Variants in ENO2 observed in about 807,000 individuals in gnomAD.
ENO2 encodes the protein gamma-enolase.
In ENO2, 19 loss-of-function variants were observed where a neutral mutation model predicts 48.7. That is an observed-to-expected ratio of 0.39 (90% CI 0.27 to 0.57). The LOEUF (loss-of-function observed/expected upper bound fraction) is 0.57. Among genes scored for constraint, ENO2 ranks in the 20% least tolerant of loss-of-function variants. The pLI, the probability that ENO2 is intolerant of heterozygous loss-of-function variation, is 0.58. For synonymous variants in ENO2, 198 were observed against 213.4 expected, an observed-to-expected ratio of 0.93 and a Z score of 0.63; for missense variants, 416 against 555.0, an observed-to-expected ratio of 0.75 and a Z score of 2.52.
rs1363388185 is a variant in ENO2, at chr12:6,922,305, G to A, written c.1177-39G>A. On this transcript the variant is annotated intron_variant, in intron 10 of 11. Transcript: ENST00000229277. The surrounding 1 kb of genome is among the most constrained non-coding windows in gnomAD (Gnocchi z 5.3). ...CAGAAGTTTCCTTTCAGGGGTGAGA[G>A]GGCAGTCACTGAGCTGCAAATCCTT... 1 of 1,613,906 alleles carries A rather than the reference G, an allele frequency of 6.2e-7. No individual in the cohort carries two copies. The highest frequency in any genetic ancestry group is 1.7e-5 in the Admixed American group (1 of 60,014).
At chr12:6,917,804 G>A (rs1213994027) in intron 6 of ENO2, 90 bp downstream of exon 6, 1 of 1,593,402 alleles carries the variant, frequency 6.3e-7, no homozygotes, top group Admixed American at 1.7e-5. Context: ...AAAGTGAATT[G>A]AGGGAGGTAA....
At position 6,918,057 on chromosome 12, in the gene ENO2, G is replaced by A; in HGVS notation, c.562G>A (p.Val188Ile). The A allele has an allele frequency of 6.2e-7, 1 of 1,614,166 alleles. No individual in the cohort carries two copies. Among genetic ancestry groups the A allele is most frequent in the Non-Finnish European group, 8.5e-7 (1 of 1,180,042 alleles). ...GGATGCCATGCGACTAGGTGCAGAGGTCTACCATACACTCAAGGGAGTCAT... is the reference window on the plus strand; with the variant it reads ...GGATGCCATGCGACTAGGTGCAGAGATCTACCATACACTCAAGGGAGTCAT... The part of the protein sequence containing the change: ...FRDAMRLGAE[V>I]YHTLKGVIKD... Residue 188 changes from valine to isoleucine, a missense_variant, in exon 7 of 12, where the codon GTC becomes ATC. By Grantham distance (29) the Val-to-Ile change is conservative. Coordinates refer to ENST00000229277, the MANE Select transcript of ENO2 (RefSeq NM_001975.3).
Position 6,918,253 on chromosome 12 carries a change from CG to C in ENO2, c.667+92del, listed in dbSNP as rs1285196037. On this transcript the variant is annotated intron_variant, in intron 7 of 11. Transcript: ENST00000229277. Reference sequence around the variant, plus strand: ...CACAGTTCACCAAGTCCTGAGTAGGCGTGGAGGGTCCTAGGACTCTGCAAAC... The same window carrying C: ...CACAGTTCACCAAGTCCTGAGTAGGCTGGAGGGTCCTAGGACTCTGCAAAC... 1.0e-5 allele frequency: 14 copies of C among 1,350,280 alleles called. No homozygotes were observed. In the African/African-American group the frequency reaches 1.9e-4, roughly 18 times the overall value. The allele number at this position is 1,350,280 out of a possible 1,614,324, so 83.6% of individuals were successfully genotyped here. A position where few individuals can be genotyped will look rare whatever the true frequency, so the allele number is the denominator to read the frequency against.
In ENO2 at chr12:6,917,659, T is replaced by C. The variant is rs1945303701; in HGVS notation, c.389T>C (p.Leu130Pro). Residue 130 changes from leucine to proline, a missense_variant, in exon 6 of 12, where the codon CTG (leucine) becomes CCG (proline). Coordinates refer to ENST00000229277, the MANE Select transcript of ENO2 (RefSeq NM_001975.3). Reference protein sequence around the residue: ...KAGAAERELPLYRHIAQLAGN... With the variant: ...KAGAAERELPPYRHIAQLAGN... Reference sequence around the variant, plus strand: ...GGGGCAGCTGAGCGGGAACTGCCCCTGTATCGCCACATTGCTCAGCTGGCC... The same window carrying C: ...GGGGCAGCTGAGCGGGAACTGCCCCCGTATCGCCACATTGCTCAGCTGGCC... 1.2e-6 allele frequency: 2 copies of C among 1,613,372 alleles called. No homozygotes were observed. Among genetic ancestry groups the C allele is most frequent in the Non-Finnish European group, 1.7e-6 (2 of 1,179,808 alleles).
rs782192812 is a variant in ENO2, at chr12:6,918,096, G to A, written c.601G>A (p.Gly201Ser). 3 of 1,614,026 alleles carry A rather than the reference G, an allele frequency of 1.9e-6. No homozygotes were observed. Among genetic ancestry groups the A allele is most frequent in the Admixed American group, 1.7e-5 (1 of 59,994 alleles). The change falls in exon 7 of 12, where the codon GGC (glycine) becomes AGC (serine). Residue 201 changes from glycine (G) to serine (S), a missense_variant. Transcript: ENST00000229277. The stretch of plus-strand genomic sequence containing the variant: ...CAAGGGAGTCATCAAGGACAAATAC[G>A]GCAAGGATGCCACCAATGTGGGGGA... ...TLKGVIKDKY[G>S]KDATNVGDEG... is the part of the protein sequence containing the mutation.
chr12:6,916,922 T>C lies in ENO2; in HGVS notation c.241-116T>C. The C allele has an allele frequency of 6.7e-7, 1 of 1,486,708 alleles. No individual in the cohort carries two copies. Among genetic ancestry groups the C allele is most frequent in the Non-Finnish European group, 9.3e-7 (1 of 1,077,772 alleles). The allele number at this position is 1,486,708 out of a possible 1,614,324, so 92.1% of individuals were successfully genotyped here. ...GTCCCCTAATCCAGGTAGGCCCCTG[T>C]CACAGGGACCTGGTTGGACCCTGGC... On this transcript the variant is annotated intron_variant, in intron 4 of 11. Transcript: ENST00000229277. This position sits in a 1 kb window ranked among gnomAD's most constrained non-coding sequence, Gnocchi z 4.5.
chr12:6,921,218 A>G (rs782675158), intron 8 of ENO2, among the ~76,000 whole-genome samples: 3 of 152,132 alleles, frequency 2.0e-5, no homozygotes, highest in Non-Finnish European at 2.9e-5. Context: ...ATACAGTGAG[A>G]CCTCATCTCT....
At chr12:6,917,388 C>G (rs1945301432) in intron 5 of ENO2, 193 bp from the exon 6 acceptor site, 1 of 808,302 alleles carries the variant, frequency 1.2e-6, no homozygotes, top group Non-Finnish European at 1.9e-6. Context: ...TCTGCCGTTT[C>G]CAATCTCCTC....
rs781884624 is a variant in ENO2 at position 6,919,617 on chromosome 12, T to C, written c.719T>C (p.Ile240Thr). The C allele has an allele frequency of 1.2e-6, 2 of 1,614,110 alleles. No individual in the cohort carries two copies. Among genetic ancestry groups the C allele is most frequent in the Non-Finnish European group, 1.7e-6 (2 of 1,180,034 alleles). Residue 240 changes from isoleucine to threonine, a missense_variant, in exon 8 of 12, where the codon ATC becomes ACC. Ile to Thr is a moderately conservative substitution (Grantham distance 89). Coordinates refer to ENST00000229277, the MANE Select transcript of ENO2 (RefSeq NM_001975.3). ...GACAAGGCTGGCTACACGGAAAAGA[T>C]CGTTATTGGCATGGATGTTGCTGCC... Reference protein sequence around the residue: ...AIDKAGYTEKIVIGMDVAASE... With the variant: ...AIDKAGYTEKTVIGMDVAASE...
Position 6,917,165 on chromosome 12 carries a change from T to G in ENO2, c.310+58T>G, listed in dbSNP as rs1555141696. The G allele has an allele frequency of 1.9e-6, 3 of 1,603,546 alleles. No individual in the cohort carries two copies. In the African/African-American group the frequency reaches 4.0e-5, roughly 21 times the overall value. On this transcript the variant is annotated intron_variant, in intron 5 of 11. Coordinates refer to ENST00000229277, the MANE Select transcript of ENO2 (RefSeq NM_001975.3). ...TCAGGGTGGGGAGGCGTGGAGCAGA[T>G]AGAGAGCTGAAGGGCCAGTGCTGTA... is the stretch of plus-strand genomic sequence containing the variant.
In ENO2 at chr12:6,919,775, T is replaced by G; in HGVS notation, c.865+12T>G. The G allele has an allele frequency of 6.2e-7, 1 of 1,611,506 alleles. No homozygotes were observed. The highest frequency in any genetic ancestry group is 8.5e-7 in the Non-Finnish European group (1 of 1,178,966). ...CAGGGACTATCCTGGTGAGAGGAAG[T>G]GGTGTGAGGGGGAGGTCTGGGGGCA... On this transcript the variant is annotated intron_variant, in intron 8 of 11. Transcript: ENST00000229277.
rs111729235 is a variant in ENO2 at position 6,914,858 on chromosome 12, C to T, written c.-13+199C>T. On this transcript the variant is annotated intron_variant, in intron 1 of 11. Coordinates refer to ENST00000229277, the MANE Select transcript of ENO2 (RefSeq NM_001975.3). This position sits in a 1 kb window ranked among gnomAD's most constrained non-coding sequence, Gnocchi z 7.1. ...GCTGCCTTCGCTTTCTGGCCCTCTG[C>T]GCGCCTATCTCTAACTGCGCCTCTC... 2.6e-5 allele frequency among the ~76,000 whole-genome samples: 4 copies of T among 152,276 alleles called. No individual in the cohort carries two copies. Among genetic ancestry groups the T allele is most frequent in the African/African-American group, 9.6e-5 (4 of 41,562 alleles).
At chr12:6,917,831 C>A in intron 6 of ENO2, 109 bp from the exon 7 acceptor site, 1 of 1,558,200 alleles carries the variant, frequency 6.4e-7, no homozygotes, top group Non-Finnish European at 8.7e-7. Context: ...AGGATGGGGA[C>A]GTGAGACTTA....
rs782223882 is a variant in ENO2, at chr12:6,916,542, C to T, written c.181+30C>T. 6.2e-7 allele frequency: 1 copy of T among 1,613,278 alleles called. No individual in the cohort carries two copies. The highest frequency in any genetic ancestry group is 1.1e-5 in the South Asian group (1 of 91,018). ...GGTCCCTTCTCTTTTCCAGACTCTC[C>T]CCCACCTCAGCCTTATGCCCCTACC... On this transcript the variant is annotated intron_variant, in intron 3 of 11. Coordinates refer to ENST00000229277, the MANE Select transcript of ENO2 (RefSeq NM_001975.3). This position sits in a 1 kb window ranked among gnomAD's most constrained non-coding sequence, Gnocchi z 4.5.
At chr12:6,917,351 A>T (rs1945301159) in intron 5 of ENO2, 2 of 704,024 alleles carry the variant, frequency 2.8e-6, no homozygotes, top group East Asian at 5.5e-5. Context: ...CTGTGGTCTC[A>T]GGGATATTTA....
In ENO2 at chr12:6,916,694, A is replaced by G. The variant is rs782316747; in HGVS notation, c.205A>G (p.Ile69Val). The G allele has an allele frequency of 9.5e-5, 154 of 1,613,956 alleles. 1 individual carries two copies. In the Admixed American group the frequency reaches 2.6e-3, roughly 27 times the overall value. The stretch of plus-strand genomic sequence containing the variant: ...AGGTGTCCTGAAGGCAGTGGACCAC[A>G]TCAACTCCACCATCGCGCCAGCCCT... ...GKGVLKAVDH[I>V]NSTIAPALIS... Residue 69 changes from isoleucine to valine, a missense_variant, in exon 4 of 12, where the codon ATC becomes GTC. Physicochemically the swap from Ile to Val is conservative, Grantham distance 29. Transcript: ENST00000229277. This position sits in a 1 kb window ranked among gnomAD's most constrained non-coding sequence, Gnocchi z 4.5.
At position 6,916,897 on chromosome 12, in the gene ENO2, G is replaced by A. The variant is rs1945296586; in HGVS notation, c.241-141G>A. The A allele has an allele frequency of 1.4e-6, 2 of 1,394,122 alleles. No individual in the cohort carries two copies. The highest frequency in any genetic ancestry group is 1.4e-5 in the African/African-American group (1 of 69,980). The allele number at this position is 1,394,122 out of a possible 1,614,324, so 86.4% of individuals were successfully genotyped here. The stretch of plus-strand genomic sequence containing the variant: ...GCACCCTGCTCCCATGGGAGTTCAG[G>A]TCCCCTAATCCAGGTAGGCCCCTGT... On this transcript the variant is annotated intron_variant, in intron 4 of 11. Coordinates refer to ENST00000229277, the MANE Select transcript of ENO2 (RefSeq NM_001975.3). This position sits in a 1 kb window ranked among gnomAD's most constrained non-coding sequence, Gnocchi z 4.5.
In ENO2 at chr12:6,916,915, G is replaced by T; in HGVS notation, c.241-123G>T. 6.9e-7 allele frequency: 1 copy of T among 1,447,428 alleles called. No individual in the cohort carries two copies. The highest frequency in any genetic ancestry group is 1.2e-5 in the South Asian group (1 of 84,824). 89.7% of individuals were successfully genotyped at this position (1,447,428 alleles called of 1,614,324 possible). A position where few individuals can be genotyped will look rare whatever the true frequency, so the allele number is the denominator to read the frequency against. ...AGTTCAGGTCCCCTAATCCAGGTAGGCCCCTGTCACAGGGACCTGGTTGGA... is the reference window on the plus strand; with the variant it reads ...AGTTCAGGTCCCCTAATCCAGGTAGTCCCCTGTCACAGGGACCTGGTTGGA... On this transcript the variant is annotated intron_variant, in intron 4 of 11. Transcript: ENST00000229277. This position sits in a 1 kb window ranked among gnomAD's most constrained non-coding sequence, Gnocchi z 4.5.
chr12:6,915,758 G>T, intron 1 of ENO2, 63 bp from the exon 2 acceptor site: 287 of 852,916 alleles, frequency 3.4e-4, no homozygotes, highest in Non-Finnish European at 4.9e-4. Context: ...CCCGCCCATT[G>T]ATCTCAGGCT....
Sources: gnomAD v4.1 joint callset for allele counts (sites outside exome capture counted in the v4.1 genomes callset) on GRCh38, gnomAD v4.1.1 for gene constraint, Gnocchi (gnomAD v3.1) non-coding constraint, MANE v1.5 for transcripts, NCBI Gene and HGNC (gene_info 2026-07-23, HGNC 2026-07-21) for gene names.